Variants in MAGI3 observed in about 807,000 individuals in gnomAD.
MAGI3 encodes membrane-associated guanylate kinase, WW and PDZ domain-containing protein 3.
MAGI3 carries 43 observed loss-of-function variants against 121.8 expected under a neutral mutation model. The observed-to-expected ratio is 0.35, with a 90% CI of 0.28 to 0.46. MAGI3 has a LOEUF of 0.46. Among genes scored for constraint, MAGI3 ranks in the 20% least tolerant of loss-of-function variants. MAGI3 has a pLI of 1.00. For missense variants in MAGI3, 1,547 were observed against 1,797.3 expected (o/e 0.86, Z 2.52); for synonymous variants, 553 against 639.3 (o/e 0.86, Z 2.04).
At chr1:113,455,836 G>A (rs1654724562) in intron 1 of MAGI3, among the ~76,000 whole-genome samples, 1 of 152,092 alleles carries the variant, frequency 6.6e-6, no homozygotes, top group Non-Finnish European at 1.5e-5. Flanking sequence ...TTCTTTGATG[G>A]TAGAATTGAT....
chr1:113,448,100 C>T (rs1425324654), intron 1 of MAGI3, among the ~76,000 whole-genome samples: 1 of 152,002 alleles, frequency 6.6e-6, no homozygotes, highest in Admixed American at 6.6e-5. Context: ...TTCTTTAACC[C>T]GTCTTAGAGC....
chr1:113,504,895 T>C (rs1657231488), intron 1 of MAGI3, among the ~76,000 whole-genome samples: 1 of 152,154 alleles, frequency 6.6e-6, no homozygotes, highest in African/African-American at 2.4e-5. Flanking sequence ...TTAGAGGGAC[T>C]TTCTGTGAGG....
chr1:113,590,759 C>CT, intron 5 of MAGI3, 101 bp downstream of exon 5: 1 of 1,086,914 alleles, frequency 9.2e-7, no homozygotes, highest in African/African-American at 1.6e-5. Flanking sequence ...TTTCAGAAGA[C>CT]TCATTTTTTT....
intron 19 of MAGI3, among the ~76,000 whole-genome samples, chr1:113,678,764 GA>G (rs1648031043): frequency 6.6e-6 from 1 of 152,150 alleles, no homozygotes; most frequent in East Asian, 1.9e-4. Context: ...AAAAAAATGA[GA>G]CCACAACACT....
intron 9 of MAGI3, among the ~76,000 whole-genome samples, chr1:113,632,581 T>A (rs1488458839): frequency 6.6e-6 from 1 of 152,210 alleles, no homozygotes; most frequent in Non-Finnish European, 1.5e-5. Flanking sequence ...CGTCAACTGG[T>A]AATGATTCTA....
rs765228366 is a variant in MAGI3 at position 113,674,429 on chromosome 1, TA to T, written c.3189+978del. The stretch of plus-strand genomic sequence containing the variant: ...AAAAAGACATTTGCTGTCTTCAATT[TA>T]AAAAAAAAAAAAACTTAACTCACTG... On this transcript the variant is annotated intron_variant, in intron 19 of 20. Transcript: ENST00000307546. Among the ~76,000 whole-genome samples, 359 of 142,182 alleles carry T rather than the reference TA, an allele frequency of 2.5e-3. 2 individuals carry two copies. Among genetic ancestry groups the T allele is most frequent in the African/African-American group, 6.1e-3 (239 of 38,914 alleles). 93.3% of individuals were successfully genotyped at this position (142,182 alleles called of 152,430 possible).
At chr1:113,678,717 C>T (rs1430317237) in intron 19 of MAGI3, among the ~76,000 whole-genome samples, 1 of 152,052 alleles carries the variant, frequency 6.6e-6, no homozygotes, top group Non-Finnish European at 1.5e-5. Flanking sequence ...CAGAATCCCA[C>T]GAAATAGGTA....
chr1:113,494,637 T>C (rs1293994716), intron 1 of MAGI3, among the ~76,000 whole-genome samples: 2 of 152,140 alleles, frequency 1.3e-5, no homozygotes, highest in Admixed American at 1.3e-4. Context: ...GAAACTGAAA[T>C]TATTTTCTAG....
Position 113,390,966 on chromosome 1 carries a change from G to A in MAGI3, c.-68G>A. ...GCGGGCCGCCCAGGGCCCCCGGGCT[G>A]AGACGGGGCCGGAGCGGCGCCCCGG... is the stretch of plus-strand genomic sequence containing the variant. On this transcript the variant is annotated 5_prime_UTR_variant, in exon 1 of 21. Transcript: ENST00000307546. The A allele has an allele frequency of 7.2e-7, 1 of 1,396,218 alleles. No individual in the cohort carries two copies. The highest frequency in any genetic ancestry group is 1.5e-5 in the African/African-American group (1 of 65,406). The allele number at this position is 1,396,218 out of a possible 1,614,324, so 86.5% of individuals were successfully genotyped here. A position where few individuals can be genotyped will look rare whatever the true frequency, so the allele number is the denominator to read the frequency against.
chr1:113,684,415 A>AAAG lies in MAGI3; in HGVS notation c.*402_*404dup. 6.3e-6 allele frequency: 1 copy of AAAG among 158,152 alleles called. No individual in the cohort carries two copies. The highest frequency in any genetic ancestry group is 1.4e-5 in the Non-Finnish European group (1 of 71,454). 9.8% of individuals were successfully genotyped at this position (158,152 alleles called of 1,614,324 possible). A position where few individuals can be genotyped will look rare whatever the true frequency, so the allele number is the denominator to read the frequency against. On this transcript the variant is annotated 3_prime_UTR_variant, in exon 21 of 21. Transcript: ENST00000307546. ...GTTCAGCTGTTTCCACAGTAATGAA[A>AAAG]AAGTTAGGTTTGGCTTGGAAGTTGA...
At chr1:113,682,874 T>G (rs1557891293) in intron 20 of MAGI3, 23 bp from the exon 21 acceptor site, 1 of 1,531,056 alleles carries the variant, frequency 6.5e-7, no homozygotes, top group Non-Finnish European at 8.7e-7. Context: ...TTTAATAATG[T>G]TCCATTCAAA....
At chr1:113,636,079 T>C (rs1652000350) in intron 9 of MAGI3, among the ~76,000 whole-genome samples, 1 of 152,156 alleles carries the variant, frequency 6.6e-6, no homozygotes, top group African/African-American at 2.4e-5. Context: ...GATATCCCCT[T>C]TTATCATTTT....
chr1:113,391,211 G>A lies in MAGI3; in HGVS notation c.178G>A (p.Val60Ile). The change falls in exon 1 of 21, where the codon GTC (valine) becomes ATC (isoleucine). Residue 60 changes from valine (V) to isoleucine (I), a missense_variant. Coordinates refer to ENST00000307546, the MANE Select transcript of MAGI3 (RefSeq NM_001142782.2). The surrounding 1 kb of genome is among the most constrained non-coding windows in gnomAD (Gnocchi z 4.4). ...GCCCGGCGGGGGCACCTGCTGCGTC[G>A]TCTCGGGCAAGGCGCCCAGCCCAGG... Reference protein sequence around the residue: ...EEPGGGTCCVVSGKAPSPGDV... With the variant: ...EEPGGGTCCVISGKAPSPGDV... 6.4e-7 allele frequency: 1 copy of A among 1,554,826 alleles called. No individual in the cohort carries two copies. The highest frequency in any genetic ancestry group is 2.4e-5 in the East Asian group (1 of 41,300).
chr1:113,526,849 G>A (rs978084033), intron 1 of MAGI3, among the ~76,000 whole-genome samples: 2 of 152,124 alleles, frequency 1.3e-5, no homozygotes, highest in South Asian at 4.1e-4. Context: ...GATTGAAGAA[G>A]AGGTATAACA....
chr1:113,557,984 G>A (rs1660069558), intron 2 of MAGI3, among the ~76,000 whole-genome samples: 1 of 152,244 alleles, frequency 6.6e-6, no homozygotes, highest in Middle Eastern at 3.4e-3. Context: ...AGAGTGGCCA[G>A]ACTGTTAAAA....
At chr1:113,450,482 G>A in intron 1 of MAGI3, 1 of 1,075,906 alleles carries the variant, frequency 9.3e-7, no homozygotes, top group Non-Finnish European at 1.4e-6. Flanking sequence ...ACCAGGATAT[G>A]GAAACCAAGG....
intron 2 of MAGI3, among the ~76,000 whole-genome samples, chr1:113,554,241 G>C (rs978838065): frequency 5.3e-5 from 8 of 151,950 alleles, no homozygotes; most frequent in Non-Finnish European, 8.8e-5. Flanking sequence ...TTAAAGAACA[G>C]TATCAACATA....
chr1:113,433,753 C>CT (rs1653420817), intron 1 of MAGI3, among the ~76,000 whole-genome samples: 1 of 151,742 alleles, frequency 6.6e-6, no homozygotes, highest in Non-Finnish European at 1.5e-5. Context: ...ATTCTTTTGT[C>CT]TTTTTTTTGT....
At chr1:113,473,781 C>T (rs1655665631) in intron 1 of MAGI3, among the ~76,000 whole-genome samples, 1 of 152,160 alleles carries the variant, frequency 6.6e-6, no homozygotes, top group Non-Finnish European at 1.5e-5. Context: ...GGTATATACC[C>T]AGTAATGGGA....
Sources: gnomAD v4.1 joint callset for allele counts (sites outside exome capture counted in the v4.1 genomes callset) on GRCh38, gnomAD v4.1.1 for gene constraint, Gnocchi (gnomAD v3.1) non-coding constraint, MANE v1.5 for transcripts, NCBI Gene and HGNC (gene_info 2026-07-23, HGNC 2026-07-21) for gene names.